Variants in ENOX1 observed in about 807,000 individuals in gnomAD.
ENOX1 encodes ecto-NOX disulfide-thiol exchanger 1, also known as candidate growth-related and time keeping constitutive hydroquinone (NADH) oxidase.
ENOX1 carries 42 observed loss-of-function variants against 82.5 expected under a neutral mutation model. The observed-to-expected ratio is 0.51, with a 90% confidence interval of 0.40 to 0.66. ENOX1 has a LOEUF of 0.66. Among genes scored for constraint, ENOX1 ranks in the 30% least tolerant of loss-of-function variants. ENOX1 has a pLI of 0.00. For missense variants in ENOX1, 608 were observed against 811.6 expected (o/e 0.75, Z 3.05); for synonymous variants, 271 against 282.2 (o/e 0.96, Z 0.40).
chr13:43,389,115 G>T (rs1046237745), intron 5 of ENOX1, among the ~76,000 whole-genome samples: 1 of 152,184 alleles, frequency 6.6e-6, no homozygotes, highest in East Asian at 1.9e-4. Flanking sequence ...TCAAGTAAGT[G>T]TCTCTGTTGA....
At chr13:43,775,183 CT>C (rs1301453318) in intron 1 of ENOX1, among the ~76,000 whole-genome samples, 1 of 152,094 alleles carries the variant, frequency 6.6e-6, no homozygotes, top group East Asian at 1.9e-4. Flanking sequence ...CTCCCATGAT[CT>C]TTCACCCAGG....
intron 2 of ENOX1, among the ~76,000 whole-genome samples, chr13:43,606,750 T>C (rs769787403): frequency 6.6e-6 from 1 of 152,082 alleles, no homozygotes; most frequent in Non-Finnish European, 1.5e-5. Context: ...GCATGGTGGC[T>C]CAGGCCTGTA....
chr13:43,213,538 C>CTTTTTTTTTTTTTT lies in ENOX1; in HGVS notation c.*451_*452insAAAAAAAAAAAAAA, dbSNP rs2041290346. 2 of 97,870 alleles carry CTTTTTTTTTTTTTT rather than the reference C, an allele frequency of 2.0e-5. No individual in the cohort carries two copies. Among genetic ancestry groups the CTTTTTTTTTTTTTT allele is most frequent in the East Asian group, 3.3e-4 (1 of 2,992 alleles). 6.1% of individuals were successfully genotyped at this position (97,870 alleles called of 1,614,324 possible). ...TTTTCTTTTTTCTTTTTTTCTTTTT[C>CTTTTTTTTTTTTTT]TTTTTCTTTTTTTTTTTTTTTTTTT... On this transcript the variant is annotated 3_prime_UTR_variant, in exon 17 of 17. Transcript: ENST00000690772.
rs1336096877 is a variant in ENOX1, at chr13:43,470,330, G to GTA, written c.-75+13677_-75+13678dup. 2.0e-4 allele frequency among the ~76,000 whole-genome samples: 5 copies of GTA among 25,246 alleles called. 2 individuals carry two copies. The East Asian group carries it at 2.7e-3, about 14-fold the overall frequency. 16.6% of individuals were successfully genotyped at this position (25,246 alleles called of 152,430 possible). A position where few individuals can be genotyped will look rare whatever the true frequency, so the allele number is the denominator to read the frequency against. ...TACATATATATACACATATATATAT[G>GTA]TATATATATACGTATATATATATGT... On this transcript the variant is annotated intron_variant, in intron 3 of 16. Coordinates refer to ENST00000690772, the MANE Select transcript of ENOX1 (RefSeq NM_001347969.2).
At chr13:43,338,716 C>T (rs911226970) in intron 9 of ENOX1, among the ~76,000 whole-genome samples, 10 of 117,020 alleles carry the variant, frequency 8.5e-5, no homozygotes, top group African/African-American at 2.3e-4. Context: ...GATGGAGTCT[C>T]GCTCTGTCAC....
intron 2 of ENOX1, among the ~76,000 whole-genome samples, chr13:43,627,628 C>T (rs1594167260): frequency 6.6e-6 from 1 of 152,010 alleles, no homozygotes; most frequent in East Asian, 1.9e-4. Context: ...ACTTCAACTA[C>T]CAAATATATT....
At position 43,282,440 on chromosome 13, in the gene ENOX1, G is replaced by T. The variant is rs562143940; in HGVS notation, c.1447-12863C>A. 4.4e-4 allele frequency among the ~76,000 whole-genome samples: 66 copies of T among 149,528 alleles called. 1 individual carries two copies. The highest frequency in any genetic ancestry group is 3.5e-3 in the Middle Eastern group (1 of 286). On this transcript the variant is annotated intron_variant, in intron 12 of 16. Transcript: ENST00000690772. ...CTCTGAATGAGTTAGTTAAAGATTG[G>T]TATTCTTTTTTCTTTTTTTTTTTTT...
At chr13:43,563,534 G>C (rs1013621978) in intron 2 of ENOX1, among the ~76,000 whole-genome samples, 5 of 151,918 alleles carry the variant, frequency 3.3e-5, no homozygotes, top group Non-Finnish European at 5.9e-5. Context: ...AGAGACCAGA[G>C]CAGAAGTAAA....
Position 43,337,115 on chromosome 13 carries a change from A to G in ENOX1, c.1036+7423T>C, listed in dbSNP as rs192925960. Among the ~76,000 whole-genome samples the G allele has an allele frequency of 2.1e-3, 315 of 152,340 alleles. 3 individuals are homozygous for G. Among genetic ancestry groups the G allele is most frequent in the East Asian group, 2.1e-3 (11 of 5,190 alleles). ...AAGAGAATGGCATATTAGAGCTAAG[A>G]TCATTGAGATCACGGTTTACTAAAA... On this transcript the variant is annotated intron_variant, in intron 9 of 16. Coordinates refer to ENST00000690772, the MANE Select transcript of ENOX1 (RefSeq NM_001347969.2).
intron 16 of ENOX1, 62 bp downstream of exon 16, chr13:43,223,991 G>A (rs780864458): frequency 4.0e-6 from 5 of 1,260,372 alleles, no homozygotes; most frequent in Non-Finnish European, 5.8e-6. Flanking sequence ...GAGTCCACCT[G>A]CAGGCAGCAA....
At chr13:43,438,781 A>C (rs143801797) in intron 3 of ENOX1, among the ~76,000 whole-genome samples, 11 of 152,236 alleles carry the variant, frequency 7.2e-5, no homozygotes, top group African/African-American at 2.6e-4. Context: ...CTTCACCCCC[A>C]GGAGATTCTG....
intron 2 of ENOX1, among the ~76,000 whole-genome samples, chr13:43,556,720 T>G (rs2079452555): frequency 6.7e-6 from 1 of 149,656 alleles, no homozygotes; most frequent in Non-Finnish European, 1.5e-5. Flanking sequence ...GAAGGTTCTA[T>G]TCTCAAAAAA....
intron 11 of ENOX1, among the ~76,000 whole-genome samples, chr13:43,307,750 G>T (rs1314361000): frequency 6.6e-6 from 1 of 152,190 alleles, no homozygotes; most frequent in Non-Finnish European, 1.5e-5. Flanking sequence ...AAATCCTACA[G>T]GCAGTGTCTC....
intron 3 of ENOX1, among the ~76,000 whole-genome samples, chr13:43,478,994 T>C (rs1316032306): frequency 1.3e-5 from 1 of 77,706 alleles, no homozygotes; most frequent in Non-Finnish European, 3.2e-5. Flanking sequence ...CAAAGGTCAA[T>C]TGTTTCTATG....
chr13:43,375,209 G>A (rs1347605474), intron 5 of ENOX1, among the ~76,000 whole-genome samples: 1 of 151,306 alleles, frequency 6.6e-6, no homozygotes, highest in Non-Finnish European at 1.5e-5. Flanking sequence ...GTTTTAACAA[G>A]TATACAGAAG....
chr13:43,298,315 CAAA>C (rs35698699), intron 12 of ENOX1, 28 bp downstream of exon 12: 111 of 1,411,810 alleles, frequency 7.9e-5, no homozygotes, highest in Middle Eastern at 6.6e-4. Flanking sequence ...CTCTTTCTCT[CAAA>C]AAAAAAAAAA....
intron 2 of ENOX1, among the ~76,000 whole-genome samples, chr13:43,493,397 C>G (rs1404356221): frequency 6.6e-6 from 1 of 152,206 alleles, no homozygotes; most frequent in Non-Finnish European, 1.5e-5. Flanking sequence ...AGTAGTAACT[C>G]TCACACCAAG....
intron 2 of ENOX1, among the ~76,000 whole-genome samples, chr13:43,505,003 C>G (rs2077103112): frequency 6.6e-6 from 1 of 151,682 alleles, no homozygotes; most frequent in Non-Finnish European, 1.5e-5. Context: ...ATATCCAAAA[C>G]CACTCTGACT....
chr13:43,333,346 T>G (rs1021741825), intron 9 of ENOX1, among the ~76,000 whole-genome samples: 1 of 152,214 alleles, frequency 6.6e-6, no homozygotes, highest in Non-Finnish European at 1.5e-5. Flanking sequence ...CCATTCCTGA[T>G]AGATGACAGA....
Sources: gnomAD v4.1 joint callset for allele counts (sites outside exome capture counted in the v4.1 genomes callset) on GRCh38, gnomAD v4.1.1 for gene constraint, MANE v1.5 for transcripts, NCBI Gene and HGNC (gene_info 2026-07-23, HGNC 2026-07-21) for gene names.